The following PSMD1 variants were observed in gnomAD, a reference collection of about 807,000 sequenced individuals.
The protein encoded by PSMD1 is 26S proteasome non-ATPase regulatory subunit 1.
PSMD1 carries 18 observed loss-of-function variants against 119.0 expected under a neutral mutation model. The observed-to-expected ratio is 0.15, with a 90% CI of 0.10 to 0.22. PSMD1 has a LOEUF of 0.22. Ranked by LOEUF, PSMD1 falls within the 10% of genes least tolerant of loss-of-function variation. PSMD1 has a pLI of 1.00. For synonymous variants in PSMD1, 374 were observed against 396.6 expected (o/e 0.94, Z 0.68); for missense variants, 702 against 1,158.5 (o/e 0.61, Z 5.72).
intron 20 of PSMD1, among the ~76,000 whole-genome samples, chr2:231,161,726 A>T (rs1212086408): frequency 6.6e-6 from 1 of 152,236 alleles, no homozygotes; most frequent in African/African-American, 2.4e-5. Flanking sequence ...AACTTCAAGT[A>T]ATTAGTTGAG....
intron 19 of PSMD1, among the ~76,000 whole-genome samples, chr2:231,154,395 C>G (rs1302819718): frequency 6.6e-6 from 1 of 152,352 alleles, no homozygotes; most frequent in Admixed American, 6.5e-5. Flanking sequence ...GATTGCTCCA[C>G]TGCACTCCAG....
intron 16 of PSMD1, among the ~76,000 whole-genome samples, chr2:231,117,469 A>G (rs1695381831): frequency 6.6e-6 from 1 of 152,136 alleles, no homozygotes; most frequent in Admixed American, 6.5e-5. Context: ...AGAAAGAATA[A>G]TAGCATTTCT....
intron 19 of PSMD1, among the ~76,000 whole-genome samples, chr2:231,157,693 T>G (rs79522285): frequency 0.13 from 19,021 of 151,692 alleles, 3,106 homozygotes; most frequent in African/African-American, 0.38. Flanking sequence ...CAGTCCCTCC[T>G]GTAGCTGGGA....
Position 231,080,324 on chromosome 2 carries a change from A to C in PSMD1, c.1413+10A>C, listed in dbSNP as rs1015817927. The C allele has an allele frequency of 5.2e-6, 8 of 1,547,646 alleles. No homozygotes were observed. Among genetic ancestry groups the C allele is most frequent in the Non-Finnish European group, 6.1e-6 (7 of 1,140,540 alleles). On this transcript the variant is annotated intron_variant, in intron 12 of 24. Coordinates refer to ENST00000308696, the MANE Select transcript of PSMD1 (RefSeq NM_002807.4). ...GAACGCCAGCAATGATGTAAGTATT[A>C]AAATGGAAAACTAAATTTCCAAAAC...
intron 7 of PSMD1, among the ~76,000 whole-genome samples, chr2:231,072,641 G>T (rs926652924): frequency 6.6e-6 from 1 of 151,976 alleles, no homozygotes; most frequent in Non-Finnish European, 1.5e-5. Flanking sequence ...TGATTATCTC[G>T]TAGGGAGGGC....
At position 231,165,024 on chromosome 2, in the gene PSMD1, TTATATATATTTA is replaced by T. The variant is rs1450316183; in HGVS notation, c.2482-166_2482-155del. 144 of 139,704 alleles carry T rather than the reference TTATATATATTTA, an allele frequency of 1.0e-3. 7 individuals are homozygous for T. The highest frequency in any genetic ancestry group is 1.8e-3 in the South Asian group (6 of 3,284). 8.7% of individuals were successfully genotyped at this position (139,704 alleles called of 1,614,324 possible). ...TTAGTTTTCCCATTTATTCTTTGAT[TTATATATATTTA>T]TATATATATATATATATATATATAT... is the stretch of plus-strand genomic sequence containing the variant. On this transcript the variant is annotated intron_variant, in intron 21 of 24. Transcript: ENST00000308696.
intron 19 of PSMD1, among the ~76,000 whole-genome samples, chr2:231,155,970 A>G (rs1428916051): frequency 6.6e-6 from 1 of 152,056 alleles, no homozygotes. Context: ...CTCACTCTTC[A>G]CTACCTTCCA....
chr2:231,093,637 A>T (rs1326544896), intron 16 of PSMD1, among the ~76,000 whole-genome samples: 1 of 152,156 alleles, frequency 6.6e-6, no homozygotes, highest in Non-Finnish European at 1.5e-5. Flanking sequence ...ATTAAACTGC[A>T]GGTTTTATGT....
At chr2:231,062,750 C>T in intron 4 of PSMD1, 75 bp downstream of exon 4, 1 of 1,245,116 alleles carries the variant, frequency 8.0e-7, no homozygotes, top group Middle Eastern at 2.9e-4. Context: ...AAGCTTTTTT[C>T]CTGAATTTGA....
intron 17 of PSMD1, among the ~76,000 whole-genome samples, chr2:231,145,410 C>G (rs112247522): frequency 5.2e-4 from 79 of 152,268 alleles, no homozygotes; most frequent in African/African-American, 1.9e-3. Context: ...CTGGGTGAGT[C>G]AGTGAGTGAG....
At chr2:231,075,437 GA>G in intron 7 of PSMD1, 73 bp from the exon 8 acceptor site, 1 of 1,299,386 alleles carries the variant, frequency 7.7e-7, no homozygotes, top group Non-Finnish European at 1.1e-6. Context: ...ATTCAATTTG[GA>G]CATGGTTCAG....
At chr2:231,153,110 A>G (rs567124451) in intron 18 of PSMD1, among the ~76,000 whole-genome samples, 32 of 152,324 alleles carry the variant, frequency 2.1e-4, no homozygotes, top group Non-Finnish European at 4.4e-4. Flanking sequence ...AATATACTTC[A>G]TGCAAAAGAT....
intron 16 of PSMD1, among the ~76,000 whole-genome samples, chr2:231,095,163 T>A (rs2125187186): frequency 6.6e-6 from 1 of 152,338 alleles, no homozygotes; most frequent in Admixed American, 6.5e-5. Context: ...CCCTTTTTGC[T>A]GCAGGAGTTA....
chr2:231,057,060 CA>C lies in PSMD1; in HGVS notation c.16+20del. ...TCGGCCGGTGAGTGCGGCCCGTAGCCAGCGCCTGGAGGGAGGAGCCGCCGCC... is the reference window on the plus strand; with the variant it reads ...TCGGCCGGTGAGTGCGGCCCGTAGCCGCGCCTGGAGGGAGGAGCCGCCGCC... On this transcript the variant is annotated intron_variant, in intron 1 of 24. Transcript: ENST00000308696. 6.6e-7 allele frequency: 1 copy of C among 1,515,202 alleles called. No homozygotes were observed. The highest frequency in any genetic ancestry group is 8.8e-7 in the Non-Finnish European group (1 of 1,133,854). 93.9% of individuals were successfully genotyped at this position (1,515,202 alleles called of 1,614,324 possible). A position where few individuals can be genotyped will look rare whatever the true frequency, so the allele number is the denominator to read the frequency against.
At chr2:231,107,963 T>A (rs1340339028) in intron 16 of PSMD1, among the ~76,000 whole-genome samples, 3 of 152,246 alleles carry the variant, frequency 2.0e-5, no homozygotes, top group Non-Finnish European at 4.4e-5. Context: ...CTATCCTCCC[T>A]ATCCCTTCCA....
At chr2:231,087,557 A>T (rs1694482527) in intron 16 of PSMD1, among the ~76,000 whole-genome samples, 1 of 152,234 alleles carries the variant, frequency 6.6e-6, no homozygotes, top group African/African-American at 2.4e-5. Context: ...GCTTTAATGA[A>T]AGTGAAAGGT....
chr2:231,125,023 A>G (rs1357022314), intron 16 of PSMD1: 1 of 152,122 alleles, frequency 6.6e-6, no homozygotes, highest in African/African-American at 2.4e-5. Flanking sequence ...TGTTCACTAG[A>G]CTTGCTTGCT....
At chr2:231,078,265 C>T (rs548096475) in intron 9 of PSMD1, among the ~76,000 whole-genome samples, 1 of 152,150 alleles carries the variant, frequency 6.6e-6, no homozygotes, top group South Asian at 2.1e-4. Flanking sequence ...AACACTCTGT[C>T]TCAAAAACCA....
chr2:231,070,734 A>G (rs1694023101), intron 6 of PSMD1, among the ~76,000 whole-genome samples: 1 of 152,064 alleles, frequency 6.6e-6, no homozygotes, highest in African/African-American at 2.4e-5. Context: ...TTCCCTACTT[A>G]TTCACACATG....
Sources: allele counts gnomAD v4.1 joint callset (sites outside exome capture counted in the v4.1 genomes callset), GRCh38; gene constraint gnomAD v4.1.1; transcripts MANE v1.5; gene names NCBI Gene and HGNC (gene_info 2026-07-23, HGNC 2026-07-21).